ARL13B: variants seen among roughly 807,000 people sequenced by gnomAD.
ARL13B encodes ADP-ribosylation factor-like protein 13B.
A neutral mutation model predicts 56.1 loss-of-function variants in ARL13B; 36 were observed. The ratio of observed to expected loss-of-function variants is 0.64; its 90% CI spans 0.49 to 0.85. The LOEUF (loss-of-function observed/expected upper bound fraction) is 0.85, where lower values mean the gene tolerates loss of function less well. Among genes scored for constraint, ARL13B ranks in the 40% least tolerant of loss-of-function variants. The pLI is 0.00. For synonymous variants in ARL13B, 178 were observed against 171.1 expected (o/e 1.04, Z -0.32); for missense variants, 519 against 507.1 (o/e 1.02, Z -0.23).
chr3:94,046,591 T>A (rs987693114), intron 7 of ARL13B, among the ~76,000 whole-genome samples: 2 of 152,144 alleles, frequency 1.3e-5, no homozygotes, highest in African/African-American at 4.8e-5. Flanking sequence ...TTGGTGGGCA[T>A]TCAGGTGTAT....
chr3:94,041,991 A>T lies in ARL13B; in HGVS notation c.799-1024A>T, dbSNP rs2076871244. ...GAATTGCTTAAACCTGGAGGGGTGG[A>T]GGTTGCAGTGAGCCGAGATCGTGCC... On this transcript the variant is annotated intron_variant, in intron 6 of 9. Coordinates refer to ENST00000394222, the MANE Select transcript of ARL13B (RefSeq NM_001174150.2). Among the ~76,000 whole-genome samples the T allele has an allele frequency of 2.6e-5, 4 of 152,188 alleles. No individual in the cohort carries two copies. In the South Asian group the frequency reaches 8.3e-4, roughly 31 times the overall value.
intron 3 of ARL13B, among the ~76,000 whole-genome samples, chr3:94,029,235 A>AT (rs1241276621): frequency 4.3e-5 from 6 of 139,264 alleles, no homozygotes; most frequent in African/African-American, 1.6e-4. Flanking sequence ...TTTCAGACCC[A>AT]TTTTTTCTAC....
At position 94,054,770 on chromosome 3, in the gene ARL13B, C is replaced by T. The variant is rs750800124; in HGVS notation, c.*1507C>T. 1 of 416,250 alleles carries T rather than the reference C, an allele frequency of 2.4e-6. No individual in the cohort carries two copies. Among genetic ancestry groups the T allele is most frequent in the South Asian group, 1.8e-5 (1 of 56,576 alleles). 25.8% of individuals were successfully genotyped at this position (416,250 alleles called of 1,614,324 possible). On this transcript the variant is annotated 3_prime_UTR_variant, in exon 10 of 10. Transcript: ENST00000394222. ...GAGTTTGTACATGGGACTTAGCAAC[C>T]ACACTGAGTGAGGTAAAAGCATTTG...
intron 5 of ARL13B, among the ~76,000 whole-genome samples, chr3:94,038,248 C>A (rs1459684016): frequency 6.6e-6 from 1 of 152,120 alleles, no homozygotes; most frequent in Non-Finnish European, 1.5e-5. Context: ...CTTGATACAG[C>A]TCTATGAAGT....
rs1441447514 is a variant in ARL13B at position 94,053,800 on chromosome 3, A to G, written c.*537A>G. 4 of 292,084 alleles carry G rather than the reference A, an allele frequency of 1.4e-5. 1 individual carries two copies. Among genetic ancestry groups the G allele is most frequent in the Non-Finnish European group, 2.6e-5 (4 of 151,016 alleles). The allele number at this position is 292,084 out of a possible 1,614,324, so 18.1% of individuals were successfully genotyped here. A position where few individuals can be genotyped will look rare whatever the true frequency, so the allele number is the denominator to read the frequency against. ...ATGATTTGTTTAAATTATATCTGGA[A>G]AATAGAGTTGATTTACTTTCAGACA... On this transcript the variant is annotated 3_prime_UTR_variant, in exon 10 of 10. Transcript: ENST00000394222.
intron 3 of ARL13B, chr3:94,014,943 C>G: frequency 6.2e-7 from 1 of 1,613,778 alleles, no homozygotes. Context: ...CTAAATCATT[C>G]AAACTTCTGT....
At chr3:94,017,844 CAG>C (rs1275998990) in intron 3 of ARL13B, among the ~76,000 whole-genome samples, 1 of 151,980 alleles carries the variant, frequency 6.6e-6, no homozygotes, top group South Asian at 2.1e-4. Flanking sequence ...GTTTTAGGAA[CAG>C]AGTTATTGCA....
chr3:93,992,770 C>A (rs1296811149), intron 1 of ARL13B, among the ~76,000 whole-genome samples: 1 of 152,090 alleles, frequency 6.6e-6, no homozygotes, highest in East Asian at 1.9e-4. Flanking sequence ...CTTGAATTAT[C>A]TAAAATATTT....
intron 6 of ARL13B, among the ~76,000 whole-genome samples, chr3:94,041,656 T>C (rs893732013): frequency 3.3e-5 from 5 of 152,222 alleles, no homozygotes; most frequent in African/African-American, 1.2e-4. Context: ...TATGTGACTC[T>C]GTGACTAGTC....
chr3:94,008,241 ATTAACT>A (rs1490781780), intron 3 of ARL13B, among the ~76,000 whole-genome samples: 1 of 152,170 alleles, frequency 6.6e-6, no homozygotes, highest in Non-Finnish European at 1.5e-5. Context: ...CTATTTAGAA[ATTAACT>A]TTAGCCTGTA....
intron 7 of ARL13B, among the ~76,000 whole-genome samples, chr3:94,045,775 C>A (rs1405593882): frequency 6.6e-6 from 1 of 151,290 alleles, no homozygotes; most frequent in East Asian, 2.0e-4. Flanking sequence ...ACAGTAGAGA[C>A]CCCGTCTCTA....
intron 1 of ARL13B, among the ~76,000 whole-genome samples, chr3:93,995,127 A>G (rs2075943284): frequency 6.6e-6 from 1 of 152,198 alleles, no homozygotes; most frequent in Non-Finnish European, 1.5e-5. Flanking sequence ...AGTGGTAAAC[A>G]GAATCACCAA....
chr3:93,990,309 A>T (rs1183694959), intron 1 of ARL13B, among the ~76,000 whole-genome samples: 1 of 152,060 alleles, frequency 6.6e-6, no homozygotes, highest in Non-Finnish European at 1.5e-5. Context: ...TGCCTGGCCC[A>T]GTTTGAGTAT....
chr3:94,034,981 A>C (rs2076741230), intron 3 of ARL13B, among the ~76,000 whole-genome samples: 1 of 152,176 alleles, frequency 6.6e-6, no homozygotes, highest in South Asian at 2.1e-4. Flanking sequence ...GATATCTGTA[A>C]TCCCAGCACT....
At chr3:94,024,972 T>C (rs1441830614) in intron 3 of ARL13B, among the ~76,000 whole-genome samples, 1 of 152,184 alleles carries the variant, frequency 6.6e-6, no homozygotes, top group Non-Finnish European at 1.5e-5. Flanking sequence ...AAATAGACTA[T>C]TTCAAATTGC....
chr3:93,990,171 AT>A (rs1197055246), intron 1 of ARL13B, among the ~76,000 whole-genome samples: 1 of 151,446 alleles, frequency 6.6e-6, no homozygotes, highest in African/African-American at 2.4e-5. Flanking sequence ...AGCCTGGCTA[AT>A]TTTTTTTGTA....
chr3:94,004,515 G>A (rs934370228), intron 3 of ARL13B, among the ~76,000 whole-genome samples: 1 of 152,032 alleles, frequency 6.6e-6, no homozygotes, highest in Non-Finnish European at 1.5e-5. Flanking sequence ...TGCTATAACC[G>A]TGAGGCATAG....
chr3:94,020,517 G>C (rs2076425015), intron 3 of ARL13B, among the ~76,000 whole-genome samples: 1 of 152,150 alleles, frequency 6.6e-6, no homozygotes, highest in Non-Finnish European at 1.5e-5. Flanking sequence ...AGGTTTTTCA[G>C]TGGTGTTAGA....
chr3:94,037,809 G>C (rs1560005492), intron 5 of ARL13B, among the ~76,000 whole-genome samples: 1 of 152,010 alleles, frequency 6.6e-6, no homozygotes, highest in African/African-American at 2.4e-5. Context: ...TTGGATAAAA[G>C]AAATCTAATG....
Sources: allele counts gnomAD v4.1 joint callset (sites outside exome capture counted in the v4.1 genomes callset), GRCh38; gene constraint gnomAD v4.1.1; transcripts MANE v1.5; gene names NCBI Gene and HGNC (gene_info 2026-07-23, HGNC 2026-07-21).